Variants in ERCC6L2 observed in about 807,000 individuals in gnomAD.
The protein encoded by ERCC6L2 is DNA excision repair protein ERCC-6-like 2.
In ERCC6L2, 77 loss-of-function variants were observed where a neutral mutation model predicts 132.0. The ratio of observed to expected loss-of-function variants is 0.58; its 90% CI spans 0.49 to 0.71. The LOEUF is 0.71. Ranked by LOEUF, ERCC6L2 falls within the 30% of genes least tolerant of loss-of-function variation. ERCC6L2 has a pLI of 0.00. For missense variants in ERCC6L2, 1,542 were observed against 1,837.6 expected, an observed-to-expected ratio of 0.84 and a Z score of 2.94; for synonymous variants, 583 against 632.4, an observed-to-expected ratio of 0.92 and a Z score of 1.17.
intron 2 of ERCC6L2, among the ~76,000 whole-genome samples, chr9:95,891,329 A>C (rs1828152485): frequency 6.6e-6 from 1 of 152,228 alleles, no homozygotes. Context: ...ACTGTAATAC[A>C]CAAACGCATT....
intron 13 of ERCC6L2, among the ~76,000 whole-genome samples, chr9:95,957,323 T>C (rs548165657): frequency 2.0e-5 from 3 of 152,322 alleles, no homozygotes; most frequent in African/African-American, 7.2e-5. Flanking sequence ...CTTAAATTTA[T>C]GCTATTTTCT....
chr9:95,915,830 G>T lies in ERCC6L2; in HGVS notation c.950+1G>T, dbSNP rs759009939. On this transcript the variant is annotated splice_donor_variant, in intron 5 of 18. Transcript: ENST00000653738. LOFTEE classifies it high-confidence loss of function. ...AGGAACTGTGGTGTGTTATGGACTGGTGAGAGAAAACACTTTTTAAAAAAT... is the reference window on the plus strand; with the variant it reads ...AGGAACTGTGGTGTGTTATGGACTGTTGAGAGAAAACACTTTTTAAAAAAT... 6.3e-7 allele frequency: 1 copy of T among 1,584,628 alleles called. No homozygotes were observed. Among genetic ancestry groups the T allele is most frequent in the Non-Finnish European group, 8.5e-7 (1 of 1,169,612 alleles).
chr9:95,880,286 G>A (rs999902435), intron 1 of ERCC6L2, among the ~76,000 whole-genome samples: 1 of 152,122 alleles, frequency 6.6e-6, no homozygotes, highest in African/African-American at 2.4e-5. Flanking sequence ...GCAGTGAAAA[G>A]AAACAGCTGT....
At chr9:95,927,538 T>C (rs1436849715) in intron 9 of ERCC6L2, among the ~76,000 whole-genome samples, 1 of 152,058 alleles carries the variant, frequency 6.6e-6, no homozygotes, top group Non-Finnish European at 1.5e-5. Context: ...CAAAATCAAA[T>C]CTGGAAGTCA....
At chr9:96,040,981 CAG>C (rs776934093) in intron 20 of ERCC6L2, among the ~76,000 whole-genome samples, 4 of 152,208 alleles carry the variant, frequency 2.6e-5, no homozygotes, top group East Asian at 1.9e-4. Context: ...TTATATTATA[CAG>C]AGTCTTGTCC....
intron 12 of ERCC6L2, among the ~76,000 whole-genome samples, chr9:95,953,299 G>T (rs568670481): frequency 6.6e-6 from 1 of 152,140 alleles, no homozygotes; most frequent in Non-Finnish European, 1.5e-5. Context: ...CAATGAGGCC[G>T]GTTGTGGTGG....
chr9:95,997,248 G>A (rs1034164530), intron 17 of ERCC6L2, among the ~76,000 whole-genome samples: 1 of 152,196 alleles, frequency 6.6e-6, no homozygotes, highest in African/African-American at 2.4e-5. Flanking sequence ...ATTAACAGAA[G>A]TTTGGAAGAA....
intron 4 of ERCC6L2, among the ~76,000 whole-genome samples, chr9:95,908,373 C>G (rs923407991): frequency 6.6e-6 from 1 of 152,142 alleles, no homozygotes; most frequent in Non-Finnish European, 1.5e-5. Context: ...GAGGAAGGGA[C>G]TTGTGAGGAC....
intron 13 of ERCC6L2, among the ~76,000 whole-genome samples, chr9:95,965,268 C>G (rs1019366293): frequency 1.3e-5 from 2 of 152,066 alleles, no homozygotes; most frequent in African/African-American, 4.8e-5. Flanking sequence ...CAGCTGTGAG[C>G]AAGTCACTTA....
chr9:95,940,221 G>A (rs1433511226), intron 11 of ERCC6L2, among the ~76,000 whole-genome samples: 1 of 152,120 alleles, frequency 6.6e-6, no homozygotes, highest in African/African-American at 2.4e-5. Context: ...GTAGGGATGG[G>A]GCTGCAGATT....
chr9:95,890,344 A>G (rs1828092066), intron 2 of ERCC6L2, among the ~76,000 whole-genome samples: 1 of 152,200 alleles, frequency 6.6e-6, no homozygotes, highest in Non-Finnish European at 1.5e-5. Context: ...TTAAACATTC[A>G]TGTTAATTAG....
chr9:95,910,664 T>C (rs1399169584), intron 4 of ERCC6L2, among the ~76,000 whole-genome samples: 1 of 152,192 alleles, frequency 6.6e-6, no homozygotes, highest in Non-Finnish European at 1.5e-5. Flanking sequence ...ATTTGGGTAT[T>C]TAGACCATTC....
At chr9:95,954,586 G>A (rs998320463) in intron 12 of ERCC6L2, 18 of 345,482 alleles carry the variant, frequency 5.2e-5, no homozygotes, top group African/African-American at 1.7e-4. Context: ...AAGTATAGGC[G>A]CACAGTAACA....
At chr9:95,881,649 A>G (rs1257957584) in intron 2 of ERCC6L2, among the ~76,000 whole-genome samples, 1 of 152,228 alleles carries the variant, frequency 6.6e-6, no homozygotes, top group Non-Finnish European at 1.5e-5. Context: ...GCCACATAGC[A>G]TGGTTAAATT....
At position 96,016,103 on chromosome 9, in the gene ERCC6L2, T is replaced by C. The variant is rs1397446840; in HGVS notation, c.*2900T>C. ...CTACCCCCACTCCACTGGTGATGTG[T>C]CACCAAGTTCTGCTAACTAAATGGG... On this transcript the variant is annotated 3_prime_UTR_variant, in exon 19 of 19. Coordinates refer to ENST00000653738, the MANE Select transcript of ERCC6L2 (RefSeq NM_020207.7). Among the ~76,000 whole-genome samples the C allele has an allele frequency of 6.6e-6, 1 of 152,196 alleles. No individual in the cohort carries two copies. The highest frequency in any genetic ancestry group is 1.5e-5 in the Non-Finnish European group (1 of 68,036).
At chr9:95,933,482 C>T (rs752019228) in intron 11 of ERCC6L2, among the ~76,000 whole-genome samples, 1 of 152,182 alleles carries the variant, frequency 6.6e-6, no homozygotes, top group East Asian at 1.9e-4. Context: ...CTTAGGAGAC[C>T]TTGAACAAAT....
At position 96,004,509 on chromosome 9, in the gene ERCC6L2, C is replaced by CT. The variant is rs1564298582; in HGVS notation, c.3493-4dup. ...TTCAGACATAGCTTTTGTTTCCTTT[C>CT]TTTTTTTCAGACATATAAAGAAAAA... On this transcript the variant is annotated splice_polypyrimidine_tract_variant and intron_variant, in intron 17 of 18. Coordinates refer to ENST00000653738, the MANE Select transcript of ERCC6L2 (RefSeq NM_020207.7). The CT allele has an allele frequency of 3.1e-6, 4 of 1,290,332 alleles. No individual in the cohort carries two copies. Among genetic ancestry groups the CT allele is most frequent in the Non-Finnish European group, 4.1e-6 (4 of 982,368 alleles). 79.9% of individuals were successfully genotyped at this position (1,290,332 alleles called of 1,614,324 possible). A position where few individuals can be genotyped will look rare whatever the true frequency, so the allele number is the denominator to read the frequency against.
intron 11 of ERCC6L2, among the ~76,000 whole-genome samples, chr9:95,933,519 G>A (rs190033141): frequency 1.9e-4 from 29 of 152,174 alleles, no homozygotes; most frequent in Non-Finnish European, 3.5e-4. Context: ...CAATTTTCTC[G>A]CCTGAAAAAT....
chr9:96,025,020 C>A (rs1834342445), intron 19 of ERCC6L2, among the ~76,000 whole-genome samples: 1 of 152,184 alleles, frequency 6.6e-6, no homozygotes, highest in Non-Finnish European at 1.5e-5. Context: ...TGCCTTCTTT[C>A]CAGTTTCCTA....
Sources: gnomAD v4.1 joint callset for allele counts (sites outside exome capture counted in the v4.1 genomes callset) on GRCh38, gnomAD v4.1.1 for gene constraint, MANE v1.5 for transcripts, NCBI Gene and HGNC (gene_info 2026-07-23, HGNC 2026-07-21) for gene names.